Variants in CACNG5 observed in about 807,000 individuals in gnomAD.
CACNG5 encodes the protein calcium voltage-gated channel auxiliary subunit gamma 5, also known as voltage-dependent calcium channel gamma-5 subunit.
Under a neutral mutation model 24.8 loss-of-function variants are expected in CACNG5, and 18 were observed. The ratio of observed to expected loss-of-function variants is 0.73; its 90% confidence interval spans 0.50 to 1.08. The LOEUF (loss-of-function observed/expected upper bound fraction) is 1.08. Among genes scored for constraint, CACNG5 ranks in the 50% least tolerant of loss-of-function variants. The pLI, the probability that CACNG5 is intolerant of heterozygous loss-of-function variation, is 0.00. For synonymous variants in CACNG5, 157 were observed against 149.1 expected (o/e 1.05, Z -0.39); for missense variants, 349 against 367.9 (o/e 0.95, Z 0.42).
chr17:66,839,583 G>A (rs1036937489), intron 1 of CACNG5, among the ~76,000 whole-genome samples: 1 of 151,808 alleles, frequency 6.6e-6, no homozygotes, highest in African/African-American at 2.4e-5. Flanking sequence ...ATTTATCAGA[G>A]ATGGGAAGGT....
rs148049249 is a variant in CACNG5, at chr17:66,891,085, C to G, written c.*5845C>G. The stretch of plus-strand genomic sequence containing the variant: ...GGGTAGCAAGATGGCAACAGTGATT[C>G]CAAACATCCTATCAAGATGCAACAG... On this transcript the variant is annotated 3_prime_UTR_variant, in exon 6 of 6. Transcript: ENST00000533854. Among the ~76,000 whole-genome samples, 183 of 152,248 alleles carry G rather than the reference C, an allele frequency of 1.2e-3. 2 individuals are homozygous for G. Among genetic ancestry groups the G allele is most frequent in the East Asian group, 1.4e-3 (7 of 5,170 alleles).
At chr17:66,862,028 G>T (rs1976868090) in intron 1 of CACNG5, among the ~76,000 whole-genome samples, 1 of 152,192 alleles carries the variant, frequency 6.6e-6, no homozygotes, top group African/African-American at 2.4e-5. Flanking sequence ...TTGGGCTGGA[G>T]TGTTTCTCCT....
At chr17:66,840,883 T>TAG (rs1177871458) in intron 1 of CACNG5, among the ~76,000 whole-genome samples, 5 of 152,158 alleles carry the variant, frequency 3.3e-5, no homozygotes, top group African/African-American at 1.2e-4. Context: ...CCCTGTTTGA[T>TAG]CCCTGAGTAA....
At chr17:66,838,960 C>CTTTTTTTTTTTTTTGTTTTTT (rs1976522864) in intron 1 of CACNG5, among the ~76,000 whole-genome samples, 1 of 88,094 alleles carries the variant, frequency 1.1e-5, no homozygotes, top group Non-Finnish European at 2.1e-5. Flanking sequence ...CTCACCCATT[C>CTTTTTTTTTTTTTTGTTTTTT]TTTTTTTTTT....
intron 4 of CACNG5, among the ~76,000 whole-genome samples, chr17:66,881,661 G>A (rs986812224): frequency 1.3e-5 from 2 of 152,224 alleles, no homozygotes; most frequent in African/African-American, 4.8e-5. Context: ...GGAACCCAGT[G>A]TGAATAGGAC....
chr17:66,860,003 T>C (rs74598743), intron 1 of CACNG5, among the ~76,000 whole-genome samples: 2 of 152,314 alleles, frequency 1.3e-5, no homozygotes, highest in East Asian at 3.9e-4. Flanking sequence ...AGCTCACTTA[T>C]CTTAGGCAAG....
intron 1 of CACNG5, among the ~76,000 whole-genome samples, chr17:66,857,966 T>A (rs576842311): frequency 6.6e-6 from 1 of 152,262 alleles, no homozygotes; most frequent in South Asian, 2.1e-4. Context: ...TAAGGACCAT[T>A]GATATATGGG....
chr17:66,885,343 C>A lies in CACNG5; in HGVS notation c.*103C>A. The stretch of plus-strand genomic sequence containing the variant: ...AGGCCTGTGGTTGACAGGCCCAGGC[C>A]ACCCATGCTTAGCTGTTGTCACTTG... On this transcript the variant is annotated 3_prime_UTR_variant, in exon 6 of 6. Transcript: ENST00000533854. 1 of 1,392,094 alleles carries A rather than the reference C, an allele frequency of 7.2e-7. No homozygotes were observed. The highest frequency in any genetic ancestry group is 9.6e-7 in the Non-Finnish European group (1 of 1,037,202). The allele number at this position is 1,392,094 out of a possible 1,614,324, so 86.2% of individuals were successfully genotyped here.
rs367659532 is a variant in CACNG5 at position 66,861,129 on chromosome 17, T to A, written c.-103-16101T>A. Among the ~76,000 whole-genome samples, 9 of 152,210 alleles carry A rather than the reference T, an allele frequency of 5.9e-5. No homozygotes were observed. The East Asian group carries it at 1.3e-3, about 23-fold the overall frequency. On this transcript the variant is annotated intron_variant, in intron 1 of 5. Coordinates refer to ENST00000533854, the MANE Select transcript of CACNG5 (RefSeq NM_145811.3). The stretch of plus-strand genomic sequence containing the variant: ...ATGTATACAATTGAATTGTTGGGCT[T>A]ATCACATACAGAATTGTAATATATT...
chr17:66,848,452 G>A (rs573272290), intron 1 of CACNG5, among the ~76,000 whole-genome samples: 1 of 152,316 alleles, frequency 6.6e-6, no homozygotes, highest in African/African-American at 2.4e-5. Flanking sequence ...GACAGTCCCA[G>A]GTATGGGCTG....
At chr17:66,882,613 A>G (rs1163797782) in intron 4 of CACNG5, among the ~76,000 whole-genome samples, 1 of 152,068 alleles carries the variant, frequency 6.6e-6, no homozygotes, top group Non-Finnish European at 1.5e-5. Flanking sequence ...GGAGATAACG[A>G]CTTGGGCCAA....
chr17:66,863,777 A>T (rs1167117540), intron 1 of CACNG5, among the ~76,000 whole-genome samples: 1 of 152,166 alleles, frequency 6.6e-6, no homozygotes, highest in Non-Finnish European at 1.5e-5. Context: ...GAATCTGTTT[A>T]GTAATTTTTT....
At chr17:66,877,143 A>AG (rs1310509715) in intron 1 of CACNG5, 87 bp from the exon 2 acceptor site, 5 of 573,944 alleles carry the variant, frequency 8.7e-6, no homozygotes, top group Non-Finnish European at 1.6e-5. Flanking sequence ...CCTGGTGTCC[A>AG]GGGGGTTGCC....
chr17:66,860,883 A>T lies in CACNG5; in HGVS notation c.-103-16347A>T, dbSNP rs549294716. 3.2e-4 allele frequency among the ~76,000 whole-genome samples: 48 copies of T among 151,740 alleles called. 1 individual carries two copies. In the South Asian group the frequency reaches 9.8e-3, roughly 31 times the overall value. ...TTTTTTTTTTTTTAGCTCATCAGCT[A>T]TCATTAATGTTAGTGTATTTTATGT... On this transcript the variant is annotated intron_variant, in intron 1 of 5. Transcript: ENST00000533854.
intron 1 of CACNG5, among the ~76,000 whole-genome samples, chr17:66,857,973 T>C (rs1489368130): frequency 6.6e-6 from 1 of 152,190 alleles, no homozygotes; most frequent in Non-Finnish European, 1.5e-5. Context: ...CATTGATATA[T>C]GGGTTTGGGG....
chr17:66,855,641 A>G (rs933645008), intron 1 of CACNG5, among the ~76,000 whole-genome samples: 1 of 152,066 alleles, frequency 6.6e-6, no homozygotes, highest in African/African-American at 2.4e-5. Flanking sequence ...CTCCTGCCTC[A>G]GGCTCGGACC....
chr17:66,877,322 G>A lies in CACNG5; in HGVS notation c.-11G>A, dbSNP rs765517982. ...GCGTGGCGACTAGTTGCACAGCAAC[G>A]GTCCAGGAAGATGAGTGCCTGCGGG... is the stretch of plus-strand genomic sequence containing the variant. On this transcript the variant is annotated 5_prime_UTR_variant, in exon 2 of 6. Coordinates refer to ENST00000533854, the MANE Select transcript of CACNG5 (RefSeq NM_145811.3). 15 of 1,611,094 alleles carry A rather than the reference G, an allele frequency of 9.3e-6. No individual in the cohort carries two copies. The highest frequency in any genetic ancestry group is 2.2e-5 in the East Asian group (1 of 44,836).
Position 66,893,724 on chromosome 17 carries a change from C to T in CACNG5, c.*8484C>T, listed in dbSNP as rs1167462077. Among the ~76,000 whole-genome samples the T allele has an allele frequency of 3.3e-5, 5 of 151,882 alleles. No homozygotes were observed. The highest frequency in any genetic ancestry group is 4.8e-5 in the African/African-American group (2 of 41,352). ...TGGGTGTGCCATGGCAGGTGAGACCCGCCCCCCCAACCCGGCATTCTGAAG... is the reference window on the plus strand; with the variant it reads ...TGGGTGTGCCATGGCAGGTGAGACCTGCCCCCCCAACCCGGCATTCTGAAG... On this transcript the variant is annotated 3_prime_UTR_variant, in exon 6 of 6. Coordinates refer to ENST00000533854, the MANE Select transcript of CACNG5 (RefSeq NM_145811.3).
intron 5 of CACNG5, 144 bp from the exon 6 acceptor site, chr17:66,884,839 C>T: frequency 1.2e-6 from 2 of 1,613,340 alleles, no homozygotes; most frequent in Non-Finnish European, 1.7e-6. Context: ...TGGGTCTCCT[C>T]CGGCCAGGAT....
Sources: allele counts gnomAD v4.1 joint callset (sites outside exome capture counted in the v4.1 genomes callset), GRCh38; gene constraint gnomAD v4.1.1; transcripts MANE v1.5; gene names NCBI Gene and HGNC (gene_info 2026-07-23, HGNC 2026-07-21).